SLC25A48: variants seen among roughly 807,000 people sequenced by gnomAD.
SLC25A48 encodes CTC-321K16.1.
Under a neutral mutation model 32.2 loss-of-function variants are expected in SLC25A48, and 29 were observed. The observed-to-expected ratio is 0.90, with a 90% CI of 0.67 to 1.23. The LOEUF (loss-of-function observed/expected upper bound fraction) is 1.23, where lower values mean the gene tolerates loss of function less well. Ranked by LOEUF, SLC25A48 falls within the 50% of genes most tolerant of loss-of-function variation. The probability of loss-of-function intolerance (pLI) is 0.00; values close to 1 mark genes in which losing one functional copy is unlikely to be tolerated. For missense variants in SLC25A48, 399 were observed against 422.7 expected, an observed-to-expected ratio of 0.94 and a Z score of 0.49; for synonymous variants, 164 against 172.3, an observed-to-expected ratio of 0.95 and a Z score of 0.38.
chr5:135,699,375 G>A (rs1161514832), intron 3 of SLC25A48, among the ~76,000 whole-genome samples: 1 of 148,334 alleles, frequency 6.7e-6, no homozygotes, highest in Non-Finnish European at 1.5e-5. Flanking sequence ...GCAACAATAT[G>A]GATGAATCCC....
exon 3 of SLC25A48, chr5:135,634,851 AT>A (rs1376148570): frequency 2.0e-5 from 3 of 152,242 alleles, no homozygotes; most frequent in Non-Finnish European, 2.9e-5. Flanking sequence ...CCATAGCCAC[AT>A]TGGGGAGAGT....
chr5:135,602,825 C>G (rs1461535738), intron 1 of SLC25A48, among the ~76,000 whole-genome samples: 1 of 152,132 alleles, frequency 6.6e-6, no homozygotes, highest in South Asian at 2.1e-4. Context: ...CAAGCGTTCT[C>G]ATTGTTCAAT....
chr5:135,623,972 G>A (rs146031406), intron 1 of SLC25A48, among the ~76,000 whole-genome samples: 12 of 152,300 alleles, frequency 7.9e-5, no homozygotes, highest in African/African-American at 2.9e-4. Flanking sequence ...ACAGCTCTTG[G>A]ATCTCTGTAA....
intron 3 of SLC25A48, among the ~76,000 whole-genome samples, chr5:135,753,137 G>A (rs1177129529): frequency 6.6e-6 from 1 of 151,996 alleles, no homozygotes; most frequent in East Asian, 1.9e-4. Flanking sequence ...CACAGGGGGT[G>A]TACAGAAACA....
At chr5:135,851,827 T>C (rs1206897419) in intron 3 of SLC25A48, among the ~76,000 whole-genome samples, 1 of 152,144 alleles carries the variant, frequency 6.6e-6, no homozygotes, top group Non-Finnish European at 1.5e-5. Flanking sequence ...TCATCAAGAA[T>C]GCCGTGTGGA....
intron 3 of SLC25A48, among the ~76,000 whole-genome samples, chr5:135,732,974 A>C (rs1380046806): frequency 6.6e-6 from 1 of 152,154 alleles, no homozygotes; most frequent in Non-Finnish European, 1.5e-5. Flanking sequence ...AGTGGCTTTG[A>C]GAAGAGTTTT....
At chr5:135,792,203 G>A (rs1237458704) in intron 3 of SLC25A48, among the ~76,000 whole-genome samples, 2 of 151,766 alleles carry the variant, frequency 1.3e-5, no homozygotes, top group Non-Finnish European at 2.9e-5. Context: ...GCTGCGTTAT[G>A]TTATTCCTAA....
At chr5:135,701,382 C>T (rs1754392781) in intron 3 of SLC25A48, among the ~76,000 whole-genome samples, 1 of 152,184 alleles carries the variant, frequency 6.6e-6, no homozygotes, top group South Asian at 2.1e-4. Context: ...TTCTCACCCT[C>T]CTTGTTACCA....
intron 3 of SLC25A48, among the ~76,000 whole-genome samples, chr5:135,704,167 C>T (rs971990314): frequency 2.6e-5 from 4 of 152,208 alleles, no homozygotes; most frequent in African/African-American, 9.6e-5. Flanking sequence ...AGAGAGGAGC[C>T]TCTAGCTGGA....
At chr5:135,882,823 C>T (rs1762574431) in intron 7 of SLC25A48, among the ~76,000 whole-genome samples, 1 of 152,168 alleles carries the variant, frequency 6.6e-6, no homozygotes, top group African/African-American at 2.4e-5. Flanking sequence ...CTGCAGGTCT[C>T]ACTAGCCTAC....
At chr5:135,794,213 C>T (rs181790941) in intron 3 of SLC25A48, among the ~76,000 whole-genome samples, 8 of 151,594 alleles carry the variant, frequency 5.3e-5, no homozygotes, top group Non-Finnish European at 7.4e-5. Context: ...GTGTACACCC[C>T]TTCTGTGATA....
intron 3 of SLC25A48, among the ~76,000 whole-genome samples, chr5:135,752,436 C>A (rs896989943): frequency 1.3e-5 from 2 of 152,150 alleles, no homozygotes; most frequent in African/African-American, 4.8e-5. Flanking sequence ...GGAGTAATAT[C>A]TTTCTACAAT....
At chr5:135,616,276 G>C (rs1443712233) in intron 1 of SLC25A48, among the ~76,000 whole-genome samples, 1 of 152,098 alleles carries the variant, frequency 6.6e-6, no homozygotes, top group Non-Finnish European at 1.5e-5. Context: ...AAGCCACACT[G>C]ACAGCTTGTA....
At position 135,715,739 on chromosome 5, in the gene SLC25A48, C is replaced by G. The variant is rs1042409730; in HGVS notation, c.-521+80783C>G. Among the ~76,000 whole-genome samples the G allele has an allele frequency of 1.2e-4, 19 of 152,210 alleles. 2 individuals are homozygous for G. Among genetic ancestry groups the G allele is most frequent in the Admixed American group, 1.2e-3 (18 of 15,284 alleles). On this transcript the variant is annotated intron_variant, in intron 3 of 10. Transcript: ENST00000646290. ...ATGCTAATGCCTCCTGAAAGAAAACCTTCAACTTGGATAACACTGCCTTTT... is the reference window on the plus strand; with the variant it reads ...ATGCTAATGCCTCCTGAAAGAAAACGTTCAACTTGGATAACACTGCCTTTT...
intron 1 of SLC25A48, among the ~76,000 whole-genome samples, chr5:135,589,117 G>C (rs1751446040): frequency 1.3e-5 from 2 of 152,160 alleles, no homozygotes; most frequent in African/African-American, 4.8e-5. Flanking sequence ...TCCTGTGTAC[G>C]CATCTTTCTT....
At chr5:135,748,722 A>ATTTTT (rs1160434929) in intron 3 of SLC25A48, among the ~76,000 whole-genome samples, 17 of 135,016 alleles carry the variant, frequency 1.3e-4, no homozygotes, top group Middle Eastern at 3.6e-3. Flanking sequence ...AGACAGGTAA[A>ATTTTT]TTTTTTTTTT....
chr5:135,849,880 A>G (rs6870496), intron 2 of SLC25A48, among the ~76,000 whole-genome samples: 95,768 of 151,288 alleles, frequency 0.63, 30,438 homozygotes, highest in South Asian at 0.71. Context: ...GGGAGAATGC[A>G]GAATTTATCC....
chr5:135,728,374 T>C (rs866819402), intron 3 of SLC25A48, among the ~76,000 whole-genome samples: 1 of 152,182 alleles, frequency 6.6e-6, no homozygotes, highest in Non-Finnish European at 1.5e-5. Context: ...TCACAGTGTA[T>C]ACAACCTATA....
At chr5:135,885,317 G>A (rs1291359411) in intron 7 of SLC25A48, among the ~76,000 whole-genome samples, 1 of 152,092 alleles carries the variant, frequency 6.6e-6, no homozygotes, top group Non-Finnish European at 1.5e-5. Flanking sequence ...GGGTTCCCAA[G>A]TGATCCCACA....
Sources: allele counts gnomAD v4.1 joint callset (sites outside exome capture counted in the v4.1 genomes callset), GRCh38; gene constraint gnomAD v4.1.1; transcripts MANE v1.5; gene names NCBI Gene and HGNC (gene_info 2026-07-23, HGNC 2026-07-21).